Variants in ELP1 observed in about 807,000 individuals in gnomAD.
ELP1 encodes the protein elongator acetyltransferase complex subunit 1, also known as elongator complex protein 1.
A neutral mutation model predicts 183.2 loss-of-function variants in ELP1; 131 were observed. That is an observed-to-expected ratio of 0.72 (90% CI 0.62 to 0.83). The LOEUF (loss-of-function observed/expected upper bound fraction) is 0.83. Ranked by LOEUF, ELP1 falls within the 40% of genes least tolerant of loss-of-function variation. The pLI is 0.00. For synonymous variants in ELP1, 555 were observed against 569.0 expected, an observed-to-expected ratio of 0.98 and a Z score of 0.35; for missense variants, 1,550 against 1,594.9, an observed-to-expected ratio of 0.97 and a Z score of 0.48.
intron 13 of ELP1, among the ~76,000 whole-genome samples, chr9:108,906,771 C>T (rs184211435): frequency 1.5e-3 from 231 of 152,296 alleles, no homozygotes; most frequent in Non-Finnish European, 2.3e-3. Context: ...CAGCCCTAGT[C>T]CCTACACTAA....
chr9:108,932,687 T>G (rs560972651), intron 1 of ELP1, among the ~76,000 whole-genome samples: 2 of 152,124 alleles, frequency 1.3e-5, no homozygotes, highest in African/African-American at 2.4e-5. Flanking sequence ...AAAACTAGTT[T>G]CTCTGAAATT....
intron 32 of ELP1, 66 bp downstream of exon 32, chr9:108,879,986 G>A (rs1320239986): frequency 9.9e-7 from 1 of 1,008,412 alleles, no homozygotes; most frequent in East Asian, 2.4e-5. Context: ...AAGCAATCTA[G>A]ACAATGTGTG....
At chr9:108,924,586 A>G (rs1263503516) in intron 5 of ELP1, among the ~76,000 whole-genome samples, 1 of 152,154 alleles carries the variant, frequency 6.6e-6, no homozygotes, top group Non-Finnish European at 1.5e-5. Flanking sequence ...GATGCCCCAG[A>G]GTTCCACCCT....
At chr9:108,883,628 A>C (rs1828013715) in intron 29 of ELP1, among the ~76,000 whole-genome samples, 1 of 152,048 alleles carries the variant, frequency 6.6e-6, no homozygotes, top group African/African-American at 2.4e-5. Context: ...TTGATCACTT[A>C]AAGCAAAAGC....
chr9:108,924,263 G>T (rs1189384737), intron 5 of ELP1, among the ~76,000 whole-genome samples: 2 of 152,098 alleles, frequency 1.3e-5, no homozygotes, highest in African/African-American at 4.8e-5. Context: ...CTCAACATTA[G>T]AATTGAGCAG....
chr9:108,890,301 T>C (rs1378234927), intron 28 of ELP1, among the ~76,000 whole-genome samples: 1 of 151,850 alleles, frequency 6.6e-6, no homozygotes, highest in African/African-American at 2.4e-5. Flanking sequence ...AAAAGAAAAG[T>C]GATAATCCCA....
chr9:108,898,633 C>T, intron 21 of ELP1, 38 bp downstream of exon 21: 1 of 1,601,044 alleles, frequency 6.2e-7, no homozygotes, highest in Non-Finnish European at 8.6e-7. Context: ...AGTTTAAGTA[C>T]AAAGTAAGCT....
At chr9:108,899,390 A>C (rs569675365) in intron 20 of ELP1, among the ~76,000 whole-genome samples, 38 of 152,306 alleles carry the variant, frequency 2.5e-4, no homozygotes, top group African/African-American at 9.1e-4. Flanking sequence ...AGTTTCCTCC[A>C]AATAGGTTCA....
intron 10 of ELP1, among the ~76,000 whole-genome samples, chr9:108,913,415 A>T (rs1185260798): frequency 1.3e-5 from 2 of 152,232 alleles, no homozygotes. Flanking sequence ...AACAGATGAC[A>T]TATAAATTAA....
chr9:108,903,784 T>C, intron 14 of ELP1, 115 bp from the exon 15 acceptor site: 2 of 738,910 alleles, frequency 2.7e-6, no homozygotes, highest in Non-Finnish European at 4.9e-6. Context: ...CCTACTTCAA[T>C]ACAATGTAGA....
At chr9:108,912,879 C>T (rs1315033385) in intron 10 of ELP1, among the ~76,000 whole-genome samples, 6 of 150,766 alleles carry the variant, frequency 4.0e-5, no homozygotes, top group East Asian at 3.9e-4. Context: ...CTCAGCCTCT[C>T]GAGTAGCTAG....
chr9:108,908,813 T>C (rs900610806), intron 12 of ELP1, among the ~76,000 whole-genome samples: 60 of 152,230 alleles, frequency 3.9e-4, no homozygotes, highest in African/African-American at 1.4e-3. Context: ...TGCACTCCTC[T>C]GTTCTAAGCC....
chr9:108,872,821 A>G (rs1208896567), intron 36 of ELP1, among the ~76,000 whole-genome samples: 3 of 67,710 alleles, frequency 4.4e-5, no homozygotes, highest in African/African-American at 9.2e-5. Flanking sequence ...AAAAAAAAAA[A>G]AAAAAAAAAA....
chr9:108,916,119 T>A, intron 10 of ELP1, 85 bp downstream of exon 10: 2 of 1,012,354 alleles, frequency 2.0e-6, no homozygotes, highest in Non-Finnish European at 3.2e-6. Context: ...AGGGACTAAG[T>A]AGAAGGGATG....
At chr9:108,931,501 T>G (rs369426176) in intron 1 of ELP1, among the ~76,000 whole-genome samples, 2 of 152,218 alleles carry the variant, frequency 1.3e-5, no homozygotes, top group African/African-American at 4.8e-5. Context: ...TTTGGGAAAG[T>G]TGAAAGAACA....
rs1384035098 is a variant in ELP1, at chr9:108,902,878, A to G, written c.1815T>C (p.Tyr605=). The change falls in exon 16 of 37, where the codon TAT becomes TAC. Residue 605 remains tyrosine (Y), a synonymous_variant. Transcript: ENST00000374647. ...TGGCCAATTCGGTCTGGGTGCATGG[A>G]TAAGGAAACCGAACAGGAAATCCAC... ...NSGGFPVRFP[Y]PCTQTELAMI... 1 of 1,613,906 alleles carries G rather than the reference A, an allele frequency of 6.2e-7. No individual in the cohort carries two copies. The highest frequency in any genetic ancestry group is 2.2e-5 in the East Asian group (1 of 44,870).
At chr9:108,909,055 G>A (rs1423465486) in intron 12 of ELP1, among the ~76,000 whole-genome samples, 1 of 151,878 alleles carries the variant, frequency 6.6e-6, no homozygotes, top group Non-Finnish European at 1.5e-5. Context: ...TGCTTGGGAC[G>A]CTCTTACCCC....
chr9:108,880,881 G>C (rs950496842), intron 31 of ELP1, among the ~76,000 whole-genome samples: 4 of 152,292 alleles, frequency 2.6e-5, no homozygotes, highest in African/African-American at 9.6e-5. Flanking sequence ...ATGGAGGAAG[G>C]GGGTGCAGAC....
chr9:108,905,734 C>CA (rs1828992294), intron 14 of ELP1, among the ~76,000 whole-genome samples: 1 of 152,166 alleles, frequency 6.6e-6, no homozygotes, highest in Non-Finnish European at 1.5e-5. Flanking sequence ...TAGCCTACTA[C>CA]ACCCCTAGCC....
Sources: allele counts gnomAD v4.1 joint callset (sites outside exome capture counted in the v4.1 genomes callset), GRCh38; gene constraint gnomAD v4.1.1; transcripts MANE v1.5; gene names NCBI Gene and HGNC (gene_info 2026-07-23, HGNC 2026-07-21).